The following MBD1 variants were observed in gnomAD, a reference collection of about 807,000 sequenced individuals.
The protein encoded by MBD1 is methyl-CpG-binding domain protein 1.
MBD1 carries 25 observed loss-of-function variants against 82.6 expected under a neutral mutation model. That is an observed-to-expected ratio of 0.30 (90% CI 0.22 to 0.42). The LOEUF (loss-of-function observed/expected upper bound fraction) is 0.42, where lower values mean the gene tolerates loss of function less well. Among genes scored for constraint, MBD1 ranks in the 10% least tolerant of loss-of-function variants. The pLI is 1.00. For missense variants in MBD1, 627 were observed against 819.6 expected, an observed-to-expected ratio of 0.76 and a Z score of 2.87; for synonymous variants, 301 against 303.7, an observed-to-expected ratio of 0.99 and a Z score of 0.09.
At position 50,269,373 on chromosome 18, in the gene MBD1, CT is replaced by C. The variant is rs1343931536; in HGVS notation, c.*477del. The C allele has an allele frequency of 7.7e-7, 1 of 1,292,418 alleles. No homozygotes were observed. Among genetic ancestry groups the C allele is most frequent in the African/African-American group, 1.5e-5 (1 of 66,808 alleles). The allele number at this position is 1,292,418 out of a possible 1,614,324, so 80.1% of individuals were successfully genotyped here. A position where few individuals can be genotyped will look rare whatever the true frequency, so the allele number is the denominator to read the frequency against. ...GTGAGGCTATGTTTCCCGGAACTCT[CT>C]TCCAGTAAGATGGGCCACAAGAGAC... On this transcript the variant is annotated 3_prime_UTR_variant, in exon 17 of 17. Coordinates refer to ENST00000269468, the MANE Select transcript of MBD1 (RefSeq NM_015846.4).
In MBD1 at chr18:50,281,014, C is replaced by T. The variant is rs1599609562; in HGVS notation, c.-26+349G>A. The T allele has an allele frequency of 6.0e-6, 4 of 661,544 alleles. No homozygotes were observed. In the East Asian group the frequency reaches 1.2e-4, roughly 20 times the overall value. 41.0% of individuals were successfully genotyped at this position (661,544 alleles called of 1,614,324 possible). The stretch of plus-strand genomic sequence containing the variant: ...CAGCATTCCAAAGCCTCTATTTCTC[C>T]TGTCATCAGCCTGAGGGCCCCTCAT... On this transcript the variant is annotated intron_variant, in intron 1 of 16. Transcript: ENST00000269468.
Position 50,274,188 on chromosome 18 carries a change from T to C in MBD1, c.1144A>G (p.Met382Val), listed in dbSNP as rs1271572155. Residue 382 changes from methionine (M) to valine (V), a missense_variant and splice_region_variant, in exon 11 of 17, where the codon ATG (methionine) becomes GTG (valine). Met to Val is a conservative substitution (Grantham distance 21, BLOSUM62 1). Transcript: ENST00000269468. ...CTGACCCTTCCTGCCCCACCCACCATGGCAAACTGCAGGCATTGGCGCCAA... is the reference window on the plus strand; with the variant it reads ...CTGACCCTTCCTGCCCCACCCACCACGGCAAACTGCAGGCATTGGCGCCAA... ...CRWRQCLQFA[M>V]KRLLPSVWSE... The C allele has an allele frequency of 6.2e-7, 1 of 1,613,962 alleles. No individual in the cohort carries two copies. Among genetic ancestry groups the C allele is most frequent in the Non-Finnish European group, 8.5e-7 (1 of 1,180,016 alleles).
intron 13 of MBD1, 21 bp downstream of exon 13, chr18:50,273,313 A>C: frequency 1.9e-6 from 3 of 1,613,738 alleles, no homozygotes; most frequent in Non-Finnish European, 2.5e-6. Context: ...GCACCAACAG[A>C]ACATCCATCA....
chr18:50,276,915 C>T lies in MBD1; in HGVS notation c.309G>A (p.Gln103=). ...GGGCCTCCTTCCTGACCTCACCACT[C>T]TGGGGTCCAACCTGACGTTTCCGAG... ...AKTRKRQVGP[Q]SGEVRKEAPR... Residue 103 remains glutamine, a synonymous_variant, in exon 4 of 17, where the codon CAG becomes CAA. Coordinates refer to ENST00000269468, the MANE Select transcript of MBD1 (RefSeq NM_015846.4). The T allele has an allele frequency of 6.2e-7, 1 of 1,614,240 alleles. No homozygotes were observed. The highest frequency in any genetic ancestry group is 2.2e-5 in the East Asian group (1 of 44,888).
chr18:50,273,099 T>TTTCCCA (rs1217071684), intron 13 of MBD1, 144 bp from the exon 14 acceptor site: 3 of 1,281,928 alleles, frequency 2.3e-6, no homozygotes, highest in Middle Eastern at 5.1e-4. Flanking sequence ...CCTACAAAGC[T>TTTCCCA]TTCCCATTCC....
chr18:50,275,981 G>A lies in MBD1; in HGVS notation c.517C>T (p.Arg173Cys), dbSNP rs1462113864. Residue 173 changes from arginine to cysteine, a missense_variant and splice_region_variant, in exon 7 of 17, where the codon CGT becomes TGT. Physicochemically the swap from Arg to Cys is radical, Grantham distance 180. This residue lies in a region of MBD1 where 228 missense variants were observed against 318.1 expected (regional missense o/e 0.72). Coordinates refer to ENST00000269468, the MANE Select transcript of MBD1 (RefSeq NM_015846.4). The stretch of plus-strand genomic sequence containing the variant: ...GCTGCACACTCCCCACAGCCCACAC[G>A]CTGCCAGGAATGGTAGGGACGAGAT... Reference protein sequence around the residue: ...AFNREQRMFKRVGCGECAACQ... With the variant: ...AFNREQRMFKCVGCGECAACQ... 1.2e-6 allele frequency: 2 copies of A among 1,611,944 alleles called. No homozygotes were observed. The highest frequency in any genetic ancestry group is 8.5e-7 in the Non-Finnish European group (1 of 1,179,948).
chr18:50,280,828 C>T (rs112379135), intron 1 of MBD1, among the ~76,000 whole-genome samples: 12 of 152,064 alleles, frequency 7.9e-5, no homozygotes, highest in African/African-American at 2.7e-4. Context: ...TCCTCCATTC[C>T]TCCCTTATCA....
chr18:50,267,644 C>G, downstream of MBD1: 1 of 1,536,078 alleles, frequency 6.5e-7, no homozygotes, highest in Non-Finnish European at 8.7e-7. Context: ...CATTTCCAGT[C>G]AAGAGCAAGG....
chr18:50,272,763 TC>T (rs1402725546), intron 14 of MBD1, 25 bp from the exon 15 acceptor site: 1 of 1,614,012 alleles, frequency 6.2e-7, no homozygotes, highest in Non-Finnish European at 8.5e-7. Context: ...ACACCATAGG[TC>T]AATGTGGTTG....
chr18:50,268,156 G>T (rs915900934), downstream of MBD1, among the ~76,000 whole-genome samples: 3 of 152,344 alleles, frequency 2.0e-5, no homozygotes, highest in African/African-American at 7.2e-5. Context: ...CCCGCCCGTC[G>T]GTCCGGGCGG....
rs1213428725 is a variant in MBD1, at chr18:50,271,556, C to T, written c.1779-16G>A. ...GTCTTTGGACCTAGGGAAAAGGGAGCAGGTCTGTATGTTGAATGAGGTTTG... is the reference window on the plus strand; with the variant it reads ...GTCTTTGGACCTAGGGAAAAGGGAGTAGGTCTGTATGTTGAATGAGGTTTG... On this transcript the variant is annotated splice_polypyrimidine_tract_variant and intron_variant, in intron 15 of 16. Coordinates refer to ENST00000269468, the MANE Select transcript of MBD1 (RefSeq NM_015846.4). 1.9e-6 allele frequency: 3 copies of T among 1,614,206 alleles called. No homozygotes were observed. The highest frequency in any genetic ancestry group is 1.7e-6 in the Non-Finnish European group (2 of 1,180,022).
chr18:50,277,963 A>G lies in MBD1; in HGVS notation c.111-759T>C, dbSNP rs78356955. 4.3e-3 allele frequency among the ~76,000 whole-genome samples: 660 copies of G among 152,344 alleles called. 2 individuals are homozygous for G. The highest frequency in any genetic ancestry group is 0.015 in the African/African-American group (615 of 41,572). On this transcript the variant is annotated intron_variant, in intron 2 of 16. Coordinates refer to ENST00000269468, the MANE Select transcript of MBD1 (RefSeq NM_015846.4). ...ATTCAGAAACTGGCACAAAAATAGT[A>G]ATACAGTAATTCCCCCTCTCGTGCA...
chr18:50,275,130 G>A lies in MBD1; in HGVS notation c.908C>T (p.Pro303Leu), dbSNP rs115426299. 82 of 1,613,844 alleles carry A rather than the reference G, an allele frequency of 5.1e-5. No homozygotes were observed. Among genetic ancestry groups the A allele is most frequent in the Middle Eastern group, 3.3e-4 (2 of 6,058 alleles). ...PPSQSPEPTE[P>L]HPRALAPSPP... is the part of the protein sequence containing the mutation. ...TCCCTCCACCCACTGGGGCCTCACC[G>A]GCTCTGTGGGCTCTGGGGACTGTGA... Residue 303 changes from proline (P) to leucine (L), a missense_variant and splice_region_variant, in exon 9 of 17, where the codon CCG (proline) becomes CTG (leucine). Coordinates refer to ENST00000269468, the MANE Select transcript of MBD1 (RefSeq NM_015846.4).
At chr18:50,276,627 A>G in intron 5 of MBD1, 35 bp downstream of exon 5, 1 of 1,609,208 alleles carries the variant, frequency 6.2e-7, no homozygotes, top group Middle Eastern at 1.7e-4. Context: ...TCCAGCTCCT[A>G]TCTCCCGATG....
Position 50,269,421 on chromosome 18 carries a change from G to T in MBD1, c.*430C>A. 1.1e-6 allele frequency: 1 copy of T among 931,372 alleles called. No homozygotes were observed. Among genetic ancestry groups the T allele is most frequent in the Non-Finnish European group, 1.6e-6 (1 of 633,876 alleles). 57.7% of individuals were successfully genotyped at this position (931,372 alleles called of 1,614,324 possible). A position where few individuals can be genotyped will look rare whatever the true frequency, so the allele number is the denominator to read the frequency against. Reference sequence around the variant, plus strand: ...AGACATTTTGCTTGATAACCGGAGGGCGGAAGTGAAGCAGCAGCACATTGT... The same window carrying T: ...AGACATTTTGCTTGATAACCGGAGGTCGGAAGTGAAGCAGCAGCACATTGT... On this transcript the variant is annotated 3_prime_UTR_variant, in exon 17 of 17. Coordinates refer to ENST00000269468, the MANE Select transcript of MBD1 (RefSeq NM_015846.4).
At chr18:50,268,580 A>G (rs114362243), downstream of MBD1, among the ~76,000 whole-genome samples, 300 of 152,324 alleles carry the variant, frequency 2.0e-3, no homozygotes, top group African/African-American at 6.9e-3. Context: ...CCGGTGGGTG[A>G]CTGTGGCTGG....
chr18:50,281,220 T>A (rs568126784), intron 1 of MBD1, 143 bp downstream of exon 1: 1 of 1,533,800 alleles, frequency 6.5e-7, no homozygotes, highest in Admixed American at 2.0e-5. Flanking sequence ...CCCCCATTTC[T>A]CCTCGTCAGT....
chr18:50,279,828 T>C, intron 2 of MBD1, 55 bp downstream of exon 2: 2 of 1,611,112 alleles, frequency 1.2e-6, no homozygotes, highest in South Asian at 1.1e-5. Context: ...CCATTTGATT[T>C]TACCAGAATC....
intron 16 of MBD1, 165 bp downstream of exon 16, chr18:50,271,304 C>T (rs1467367482): frequency 6.6e-7 from 1 of 1,508,770 alleles, no homozygotes; most frequent in African/African-American, 1.4e-5. Flanking sequence ...TCCTTTCCCG[C>T]TTACTTCTTC....
Sources: gnomAD v4.1 joint callset for allele counts (sites outside exome capture counted in the v4.1 genomes callset) on GRCh38, gnomAD v4.1.1 for gene constraint, gnomAD v4.1.1 regional missense constraint, MANE v1.5 for transcripts, NCBI Gene and HGNC (gene_info 2026-07-23, HGNC 2026-07-21) for gene names.